Variants in CPED1 observed in about 807,000 individuals in gnomAD.
CPED1 encodes cadherin-like and PC-esterase domain-containing protein 1.
CPED1 carries 114 observed loss-of-function variants against 128.2 expected under a neutral mutation model. That is an observed-to-expected ratio of 0.89 (90% confidence interval 0.76 to 1.04). The LOEUF is 1.04. CPED1 is among the 50% of genes least tolerant of loss of function. The probability of loss-of-function intolerance (pLI) is 0.00; values close to 1 mark genes in which losing one functional copy is unlikely to be tolerated. For missense variants in CPED1, 1,211 were observed against 1,207.1 expected (o/e 1.00, Z -0.05); for synonymous variants, 462 against 426.7 (o/e 1.08, Z -1.02).
chr7:121,286,125 T>G (rs1244368590), intron 22 of CPED1, among the ~76,000 whole-genome samples: 1 of 152,128 alleles, frequency 6.6e-6, no homozygotes, highest in Non-Finnish European at 1.5e-5. Flanking sequence ...AAGTGCATGG[T>G]GAAGCAGGGG....
intron 3 of CPED1, among the ~76,000 whole-genome samples, chr7:121,041,163 C>T (rs1035496304): frequency 6.6e-6 from 1 of 152,014 alleles, no homozygotes. Flanking sequence ...AATAGAATTT[C>T]AATATACTTG....
At chr7:121,047,665 TTCTTCTTCTTC>T (rs1793236148) in intron 4 of CPED1, among the ~76,000 whole-genome samples, 1 of 9,884 alleles carries the variant, frequency 1.0e-4, no homozygotes, top group South Asian at 4.8e-3. Flanking sequence ...CTTCTTCTTC[TTCTTCTTCTTC>T]TTCTTCTTCT....
At chr7:121,114,098 G>A (rs1291549470) in intron 7 of CPED1, among the ~76,000 whole-genome samples, 4 of 152,116 alleles carry the variant, frequency 2.6e-5, no homozygotes, top group Admixed American at 6.6e-5. Flanking sequence ...CCAAAGTGCT[G>A]GGATTACAGG....
chr7:121,070,358 C>A (rs1025670380), intron 5 of CPED1, among the ~76,000 whole-genome samples: 1 of 151,800 alleles, frequency 6.6e-6, no homozygotes, highest in South Asian at 2.1e-4. Context: ...TCCTGATACC[C>A]CCTCTCTGTG....
intron 4 of CPED1, chr7:121,050,384 A>T (rs1010502115): frequency 6.5e-6 from 1 of 153,008 alleles, no homozygotes; most frequent in Non-Finnish European, 1.4e-5. Flanking sequence ...CCGCAAATGC[A>T]CATCAGGCTT....
chr7:121,024,989 G>A (rs941455695), intron 3 of CPED1, among the ~76,000 whole-genome samples: 4 of 152,066 alleles, frequency 2.6e-5, no homozygotes, highest in African/African-American at 9.7e-5. Flanking sequence ...TCTCAATTTG[G>A]GAGGCGTTTG....
At chr7:121,201,522 G>A (rs1563063658) in intron 16 of CPED1, among the ~76,000 whole-genome samples, 1 of 150,970 alleles carries the variant, frequency 6.6e-6, no homozygotes, top group East Asian at 2.0e-4. Flanking sequence ...GAGAAAGAGA[G>A]GAAAGGAAGG....
chr7:121,192,091 G>A (rs557411228), intron 16 of CPED1, among the ~76,000 whole-genome samples: 1 of 152,054 alleles, frequency 6.6e-6, no homozygotes, highest in Non-Finnish European at 1.5e-5. Flanking sequence ...GTGAAGCTTT[G>A]CCATTATATT....
At chr7:121,040,607 G>C (rs1793025646) in intron 3 of CPED1, among the ~76,000 whole-genome samples, 1 of 151,998 alleles carries the variant, frequency 6.6e-6, no homozygotes, top group South Asian at 2.1e-4. Flanking sequence ...TCCTGATAAA[G>C]GATGGATACA....
chr7:121,135,209 C>A lies in CPED1; in HGVS notation c.1649-831C>A, dbSNP rs1031578742. On this transcript the variant is annotated intron_variant, in intron 13 of 22. Coordinates refer to ENST00000310396, the MANE Select transcript of CPED1 (RefSeq NM_024913.5). ...TTTTTCATTCCAAAGAACATCTGAG[C>A]TTTTTGTTACAAGAAAAAAACTACT... Among the ~76,000 whole-genome samples, 6 of 151,774 alleles carry A rather than the reference C, an allele frequency of 4.0e-5. No homozygotes were observed. The East Asian group carries it at 1.2e-3, about 29-fold the overall frequency.
intron 22 of CPED1, among the ~76,000 whole-genome samples, chr7:121,286,427 G>A (rs1406928704): frequency 6.6e-6 from 1 of 152,118 alleles, no homozygotes; most frequent in African/African-American, 2.4e-5. Context: ...AACAAGCATG[G>A]CAGGAATGCC....
intron 5 of CPED1, among the ~76,000 whole-genome samples, chr7:121,070,001 T>A (rs558389120): frequency 1.3e-5 from 2 of 152,168 alleles, no homozygotes; most frequent in South Asian, 4.2e-4. Context: ...GGACTTGTAT[T>A]CAAAGATAGC....
At chr7:121,043,388 C>G (rs1230596332) in intron 3 of CPED1, among the ~76,000 whole-genome samples, 1 of 152,132 alleles carries the variant, frequency 6.6e-6, no homozygotes, top group Non-Finnish European at 1.5e-5. Context: ...ATGACCTTCC[C>G]CAATCTTATG....
intron 16 of CPED1, among the ~76,000 whole-genome samples, chr7:121,198,068 A>T (rs1163109644): frequency 6.6e-6 from 1 of 152,166 alleles, no homozygotes; most frequent in Non-Finnish European, 1.5e-5. Context: ...ATAGAGAAAG[A>T]CTGATGTGTT....
At position 121,266,798 on chromosome 7, in the gene CPED1, GT is replaced by G; in HGVS notation, c.2627del (p.Leu876Ter). ...CAATCACCTGCAAATTATTCACAAA[GT>G]TTTGAAGAGGTAAATGTCTGCAACA... ...NSNHLQIIHKVLKRENLLNIL... is the reference protein window; with the variant it reads ...NSNHLQIIHKXLKRENLLNIL... On this transcript the variant is annotated frameshift_variant, in exon 20 of 23. Transcript: ENST00000310396. LOFTEE classifies it high-confidence loss of function. 6.2e-7 allele frequency: 1 copy of G among 1,609,722 alleles called. No homozygotes were observed. Among genetic ancestry groups the G allele is most frequent in the Non-Finnish European group, 8.5e-7 (1 of 1,176,428 alleles).
rs562601257 is a variant in CPED1, at chr7:121,221,466, T to G, written c.2056-15248T>G. Among the ~76,000 whole-genome samples the G allele has an allele frequency of 2.0e-5, 3 of 152,352 alleles. No individual in the cohort carries two copies. In the South Asian group the frequency reaches 6.2e-4, roughly 32 times the overall value. On this transcript the variant is annotated intron_variant, in intron 16 of 22. Transcript: ENST00000310396. The stretch of plus-strand genomic sequence containing the variant: ...TATAGTAGCATGATTTATAATCCTT[T>G]GGGTATATACCCAGTAATGGGATTG...
At chr7:121,267,808 G>A (rs899108259) in intron 21 of CPED1, among the ~76,000 whole-genome samples, 9 of 152,028 alleles carry the variant, frequency 5.9e-5, no homozygotes, top group African/African-American at 2.2e-4. Context: ...GGAGCAGCCA[G>A]CATTATTGGG....
chr7:121,083,096 C>T (rs1794332382), intron 5 of CPED1, among the ~76,000 whole-genome samples: 1 of 152,104 alleles, frequency 6.6e-6, no homozygotes, highest in South Asian at 2.1e-4. Flanking sequence ...AAGCTCCAGT[C>T]CTCAGCTCTC....
chr7:120,993,955 G>T, intron 2 of CPED1: 1 of 329,968 alleles, frequency 3.0e-6, no homozygotes, highest in Non-Finnish European at 6.4e-6. Context: ...CCCTGGGTGG[G>T]GGTCGTCCTG....
Sources: allele counts gnomAD v4.1 joint callset (sites outside exome capture counted in the v4.1 genomes callset), GRCh38; gene constraint gnomAD v4.1.1; transcripts MANE v1.5; gene names NCBI Gene and HGNC (gene_info 2026-07-23, HGNC 2026-07-21).